The following FGFR1 variants were observed in gnomAD, a reference collection of about 807,000 sequenced individuals.
The protein encoded by FGFR1 is FGFR1/PLAG1 fusion.
Under a neutral mutation model 93.7 loss-of-function variants are expected in FGFR1, and 18 were observed. That is an observed-to-expected ratio of 0.19 (90% CI 0.13 to 0.28). The LOEUF (loss-of-function observed/expected upper bound fraction) is 0.28, where lower values mean the gene tolerates loss of function less well. FGFR1 is among the 10% of genes least tolerant of loss of function. The pLI, the probability that FGFR1 is intolerant of heterozygous loss-of-function variation, is 1.00. For synonymous variants in FGFR1, 448 were observed against 429.3 expected (o/e 1.04, Z -0.54); for missense variants, 731 against 1,080.4 (o/e 0.68, Z 4.53).
intron 2 of FGFR1, among the ~76,000 whole-genome samples, chr8:38,452,519 GTTACCCAGCTAATTTT>G (rs1232654456): frequency 1.3e-5 from 2 of 151,930 alleles, no homozygotes; most frequent in Non-Finnish European, 2.9e-5. Context: ...TGTGTGCCAC[GTTACCCAGCTAATTTT>G]TAAAATTTTT....
At chr8:38,442,557 C>T (rs1028956151) in intron 2 of FGFR1, among the ~76,000 whole-genome samples, 8 of 151,982 alleles carry the variant, frequency 5.3e-5, no homozygotes, top group Non-Finnish European at 1.2e-4. Flanking sequence ...AGAGATGAAT[C>T]AACGGCAAAG....
chr8:38,420,375 T>G (rs964862424), intron 8 of FGFR1: 1 of 152,604 alleles, frequency 6.6e-6, no homozygotes, highest in African/African-American at 2.4e-5. Flanking sequence ...AGGTAAATAT[T>G]TATTCCTAGC....
chr8:38,449,553 C>T lies in FGFR1; in HGVS notation c.91+7803G>A, dbSNP rs148339902. 3.2e-4 allele frequency among the ~76,000 whole-genome samples: 48 copies of T among 152,344 alleles called. 1 individual carries two copies. The highest frequency in any genetic ancestry group is 1.1e-3 in the African/African-American group (47 of 41,586). Reference sequence around the variant, plus strand: ...TCTGACCTCTTTCTCTGCCCAACCTCGTAACCACTAAGTCTACTCTTTGCG... The same window carrying T: ...TCTGACCTCTTTCTCTGCCCAACCTTGTAACCACTAAGTCTACTCTTTGCG... On this transcript the variant is annotated intron_variant, in intron 2 of 17. Transcript: ENST00000447712.
intron 12 of FGFR1, among the ~76,000 whole-genome samples, chr8:38,417,055 G>A (rs1816901574): frequency 6.6e-6 from 1 of 152,214 alleles, no homozygotes; most frequent in Admixed American, 6.5e-5. Context: ...CACCCAGCCT[G>A]AGCGCTCTTA....
In FGFR1 at chr8:38,424,799, T is replaced by A; in HGVS notation, c.746-100A>T. The A allele has an allele frequency of 1.6e-6, 2 of 1,239,736 alleles. No individual in the cohort carries two copies. Among genetic ancestry groups the A allele is most frequent in the Non-Finnish European group, 2.3e-6 (2 of 879,370 alleles). The allele number at this position is 1,239,736 out of a possible 1,614,324, so 76.8% of individuals were successfully genotyped here. The stretch of plus-strand genomic sequence containing the variant: ...CCCACTTGGCTTTCCCAGTGATGGG[T>A]TGTAAACCTCCCAGCACTTCTGCTG... On this transcript the variant is annotated intron_variant, in intron 6 of 17. Coordinates refer to ENST00000447712, the MANE Select transcript of FGFR1 (RefSeq NM_023110.3). This position sits in a 1 kb window ranked among gnomAD's most constrained non-coding sequence, Gnocchi z 4.3.
chr8:38,447,100 C>CACAT (rs1209575800), intron 2 of FGFR1, among the ~76,000 whole-genome samples: 1 of 5,060 alleles, frequency 2.0e-4, no homozygotes, highest in Non-Finnish European at 4.1e-4. Context: ...TGCAAGCAAA[C>CACAT]ACACACACAC....
At chr8:38,422,881 AGGCCGGGTATTTTTCCATGGCTCTG>A (rs1462327453) in intron 7 of FGFR1, 15 of 604,224 alleles carry the variant, frequency 2.5e-5, no homozygotes, top group Non-Finnish European at 4.1e-5. Flanking sequence ...CCAGCCTCCC[AGGCCGGGTATTTTTCCATGGCTCTG>A]GGCACTAGAA....
intron 2 of FGFR1, among the ~76,000 whole-genome samples, chr8:38,455,431 C>T (rs1265474347): frequency 1.3e-5 from 2 of 152,122 alleles, no homozygotes; most frequent in African/African-American, 4.8e-5. Context: ...GCTGGGACTA[C>T]AGGCGCCTGC....
At chr8:38,438,802 G>A (rs563926324) in intron 2 of FGFR1, among the ~76,000 whole-genome samples, 6 of 152,240 alleles carry the variant, frequency 3.9e-5, no homozygotes, top group Admixed American at 3.3e-4. Context: ...CTTTGATTCT[G>A]TCTAATGGCA....
At position 38,413,390 on chromosome 8, in the gene FGFR1, T is replaced by C. The variant is rs1340073611; in HGVS notation, c.*238A>G. The C allele has an allele frequency of 1.8e-6, 1 of 556,074 alleles. No homozygotes were observed. Among genetic ancestry groups the C allele is most frequent in the Non-Finnish European group, 3.2e-6 (1 of 314,110 alleles). 34.4% of individuals were successfully genotyped at this position (556,074 alleles called of 1,614,324 possible). ...TGTTGGTCCAACATCTGGGAGGGGA[T>C]GAAGTGGCTGGCAGCAAAGATCTGC... On this transcript the variant is annotated 3_prime_UTR_variant, in exon 18 of 18. Transcript: ENST00000447712. The surrounding 1 kb of genome is among the most constrained non-coding windows in gnomAD (Gnocchi z 4.2).
intron 2 of FGFR1, among the ~76,000 whole-genome samples, chr8:38,436,460 T>C (rs1825464487): frequency 6.6e-6 from 1 of 151,706 alleles, no homozygotes; most frequent in Non-Finnish European, 1.5e-5. Flanking sequence ...TCAACAGGAG[T>C]GGGAAGGTCA....
Position 38,424,281 on chromosome 8 carries a change from A to G in FGFR1, c.936+228T>C. ...CTCTCAAAGCTTATTACAGACCAGC[A>G]CCACCCATCCCTGCAGCCCTCTGTT... On this transcript the variant is annotated intron_variant, in intron 7 of 17. Coordinates refer to ENST00000447712, the MANE Select transcript of FGFR1 (RefSeq NM_023110.3). The surrounding 1 kb of genome is among the most constrained non-coding windows in gnomAD (Gnocchi z 4.3). 1.4e-6 allele frequency: 1 copy of G among 698,752 alleles called. No homozygotes were observed. Among genetic ancestry groups the G allele is most frequent in the Non-Finnish European group, 2.7e-6 (1 of 374,266 alleles). The allele number at this position is 698,752 out of a possible 1,614,324, so 43.3% of individuals were successfully genotyped here.
At chr8:38,439,928 G>GT (rs956948008) in intron 2 of FGFR1, among the ~76,000 whole-genome samples, 1 of 152,094 alleles carries the variant, frequency 6.6e-6, no homozygotes, top group Non-Finnish European at 1.5e-5. Flanking sequence ...CCTACTCTAC[G>GT]TTCTACACTC....
In FGFR1 at chr8:38,418,629, G is replaced by A. The variant is rs551485051; in HGVS notation, c.1285-256C>T. ...AAGCAGACCAAATGCACCTCTTCCA[G>A]CTTGACATTTTATAACTGATCATTG... is the stretch of plus-strand genomic sequence containing the variant. On this transcript the variant is annotated intron_variant, in intron 9 of 17. Transcript: ENST00000447712. 7 of 551,308 alleles carry A rather than the reference G, an allele frequency of 1.3e-5. No individual in the cohort carries two copies. The Admixed American group carries it at 2.2e-4, about 17-fold the overall frequency. 34.2% of individuals were successfully genotyped at this position (551,308 alleles called of 1,614,324 possible).
At chr8:38,461,146 A>G (rs759648504) in intron 1 of FGFR1, 15 of 1,535,782 alleles carry the variant, frequency 9.8e-6, no homozygotes, top group Middle Eastern at 3.3e-4. Flanking sequence ...GCATGGGTGA[A>G]AGTGCCTGCT....
At chr8:38,436,122 C>T (rs1349476082) in intron 2 of FGFR1, among the ~76,000 whole-genome samples, 1 of 152,142 alleles carries the variant, frequency 6.6e-6, no homozygotes, top group Non-Finnish European at 1.5e-5. Flanking sequence ...TGCCTGTAAT[C>T]CCAGCCCTTT....
rs1488239788 is a variant in FGFR1 at position 38,412,927 on chromosome 8, T to A, written c.*701A>T. The A allele has an allele frequency of 4.3e-6, 1 of 233,496 alleles. No individual in the cohort carries two copies. The allele number at this position is 233,496 out of a possible 1,614,324, so 14.5% of individuals were successfully genotyped here. On this transcript the variant is annotated 3_prime_UTR_variant, in exon 18 of 18. Coordinates refer to ENST00000447712, the MANE Select transcript of FGFR1 (RefSeq NM_023110.3). ...GAGCATCTTACCCGATGGGTAAATC[T>A]CTGGTAACGACCCTTTTAAAAAGAC...
intron 9 of FGFR1, among the ~76,000 whole-genome samples, chr8:38,419,054 C>T (rs1048903796): frequency 6.6e-6 from 1 of 152,216 alleles, no homozygotes; most frequent in African/African-American, 2.4e-5. Flanking sequence ...CCATGTGAGA[C>T]GTGCCTTTTG....
intron 2 of FGFR1, chr8:38,435,611 C>G (rs1317896646): frequency 6.6e-6 from 1 of 152,268 alleles, no homozygotes; most frequent in African/African-American, 2.4e-5. Context: ...CATGTCAGTA[C>G]TTTCCATTCT....
Sources: allele counts gnomAD v4.1 joint callset (sites outside exome capture counted in the v4.1 genomes callset), GRCh38; gene constraint gnomAD v4.1.1; non-coding constraint Gnocchi (gnomAD v3.1); transcripts MANE v1.5; gene names NCBI Gene and HGNC (gene_info 2026-07-23, HGNC 2026-07-21).